Variants in ZMYND11 observed in about 807,000 individuals in gnomAD.
ZMYND11 encodes zinc finger MYND domain-containing protein 11.
ZMYND11 carries 9 observed loss-of-function variants against 84.9 expected under a neutral mutation model. That is an observed-to-expected ratio of 0.11 (90% confidence interval 0.06 to 0.18). ZMYND11 has a LOEUF of 0.18. Ranked by LOEUF, ZMYND11 falls within the 10% of genes least tolerant of loss-of-function variation. The probability of loss-of-function intolerance (pLI) is 1.00; values close to 1 mark genes in which losing one functional copy is unlikely to be tolerated. For synonymous variants in ZMYND11, 250 were observed against 244.1 expected (o/e 1.02, Z -0.23); for missense variants, 409 against 761.0 (o/e 0.54, Z 5.44).
chr10:249,478 G>A, intron 14 of ZMYND11: 1 of 984,774 alleles, frequency 1.0e-6, no homozygotes, highest in Non-Finnish European at 1.2e-6. Flanking sequence ...ACAATAAATA[G>A]TTTCAGATTT....
intron 10 of ZMYND11, among the ~76,000 whole-genome samples, chr10:242,927 G>C (rs958660732): frequency 2.6e-5 from 4 of 152,292 alleles, no homozygotes. Flanking sequence ...ACCTGACACT[G>C]TCATGTCAAG....
Position 252,209 on chromosome 10 carries a change from C to A in ZMYND11, c.1687-139C>A. On this transcript the variant is annotated intron_variant, in intron 14 of 14. Transcript: ENST00000381604. This position sits in a 1 kb window ranked among gnomAD's most constrained non-coding sequence, Gnocchi z 4.6. The stretch of plus-strand genomic sequence containing the variant: ...CAGGGCTCCCTTTCCATCTGCTGTG[C>A]ATAAAACGTATTCAGATTCCACAAA... 3 of 1,059,218 alleles carry A rather than the reference C, an allele frequency of 2.8e-6. No homozygotes were observed. The highest frequency in any genetic ancestry group is 1.6e-5 in the South Asian group (1 of 61,708). The allele number at this position is 1,059,218 out of a possible 1,614,324, so 65.6% of individuals were successfully genotyped here.
At chr10:224,983 A>G (rs1334368668) in intron 4 of ZMYND11, among the ~76,000 whole-genome samples, 1 of 152,216 alleles carries the variant, frequency 6.6e-6, no homozygotes, top group Admixed American at 6.5e-5. Context: ...ATTTTCCTGA[A>G]ATAGCCATGA....
At chr10:222,519 C>A (rs567849383) in intron 4 of ZMYND11, among the ~76,000 whole-genome samples, 5 of 152,136 alleles carry the variant, frequency 3.3e-5, no homozygotes, top group Non-Finnish European at 5.9e-5. Flanking sequence ...TCTTTGAGGT[C>A]TACAAGAATG....
chr10:138,754 A>G (rs952720837), intron 1 of ZMYND11, among the ~76,000 whole-genome samples: 93 of 74,632 alleles, frequency 1.2e-3, no homozygotes, highest in African/African-American at 3.6e-3. Flanking sequence ...TGTATCTTGG[A>G]AAAAAAAAAA....
chr10:226,995 A>G (rs1948254041), intron 4 of ZMYND11, among the ~76,000 whole-genome samples: 1 of 152,218 alleles, frequency 6.6e-6, no homozygotes, highest in African/African-American at 2.4e-5. Context: ...TTCTCTGTTT[A>G]AGGATCACAA....
In ZMYND11 at chr10:252,228, C is replaced by T. The variant is rs1483303524; in HGVS notation, c.1687-120C>T. On this transcript the variant is annotated intron_variant, in intron 14 of 14. Coordinates refer to ENST00000381604, the MANE Select transcript of ZMYND11 (RefSeq NM_001370100.5). The surrounding 1 kb of genome is among the most constrained non-coding windows in gnomAD (Gnocchi z 4.6). ...GCTGTGCATAAAACGTATTCAGATT[C>T]CACAAAAGGTTGAGCCAGAAAGATC... 8.0e-7 allele frequency: 1 copy of T among 1,256,858 alleles called. No homozygotes were observed. Among genetic ancestry groups the T allele is most frequent in the African/African-American group, 1.5e-5 (1 of 66,278 alleles). 77.9% of individuals were successfully genotyped at this position (1,256,858 alleles called of 1,614,324 possible). A position where few individuals can be genotyped will look rare whatever the true frequency, so the allele number is the denominator to read the frequency against.
intron 12 of ZMYND11, 90 bp from the exon 13 acceptor site, chr10:248,246 A>ATCAC: frequency 6.7e-7 from 1 of 1,491,414 alleles, no homozygotes; most frequent in South Asian, 1.3e-5. Context: ...TATTATGTAT[A>ATCAC]TCACTGAATT....
chr10:197,523 A>C (rs1942105560), intron 2 of ZMYND11, among the ~76,000 whole-genome samples: 1 of 152,268 alleles, frequency 6.6e-6, no homozygotes, highest in African/African-American at 2.4e-5. Flanking sequence ...TATAAAGTCC[A>C]ACAGCCTGCT....
At chr10:143,263 A>T (rs1288924266) in intron 1 of ZMYND11, among the ~76,000 whole-genome samples, 2 of 152,194 alleles carry the variant, frequency 1.3e-5, no homozygotes, top group Non-Finnish European at 2.9e-5. Context: ...TCATCCTGAC[A>T]CTCAGCAGTG....
At chr10:132,299 T>A (rs1228255670), upstream of ZMYND11, among the ~76,000 whole-genome samples, 1 of 148,638 alleles carries the variant, frequency 6.7e-6, no homozygotes. Context: ...TATATATATT[T>A]TATATATATA....
intron 7 of ZMYND11, 85 bp downstream of exon 7, chr10:239,610 C>T (rs1340279935): frequency 1.0e-6 from 1 of 959,930 alleles, no homozygotes; most frequent in African/African-American, 1.6e-5. Flanking sequence ...TAAAACATTA[C>T]TTTCAAAGAA....
intron 4 of ZMYND11, among the ~76,000 whole-genome samples, chr10:224,933 G>GCATGAAACTGAAGTTTA (rs1405879583): frequency 1.3e-5 from 2 of 151,998 alleles, no homozygotes; most frequent in Non-Finnish European, 2.9e-5. Context: ...ATTTATTTCT[G>GCATGAAACTGAAGTTTA]CATGAAACTG....
chr10:215,568 T>G lies in ZMYND11; in HGVS notation c.276+5520T>G, dbSNP rs564968877. ...GGGGCATCTTTGTTTTTTGTTTTTTTTTTTTTTGAGACAGGGTCTCCCTTT... is the reference window on the plus strand; with the variant it reads ...GGGGCATCTTTGTTTTTTGTTTTTTGTTTTTTTGAGACAGGGTCTCCCTTT... On this transcript the variant is annotated intron_variant, in intron 3 of 14. Coordinates refer to ENST00000381604, the MANE Select transcript of ZMYND11 (RefSeq NM_001370100.5). 2.0e-3 allele frequency among the ~76,000 whole-genome samples: 308 copies of G among 151,998 alleles called. 2 individuals carry two copies. The highest frequency in any genetic ancestry group is 6.8e-3 in the Middle Eastern group (2 of 294).
intron 3 of ZMYND11, among the ~76,000 whole-genome samples, chr10:220,079 C>G (rs191383413): frequency 6.6e-6 from 1 of 152,228 alleles, no homozygotes; most frequent in East Asian, 1.9e-4. Context: ...AAAGAAGTTG[C>G]TGCTTATGGA....
At chr10:178,740 A>G (rs538865296) in intron 1 of ZMYND11, among the ~76,000 whole-genome samples, 2 of 152,334 alleles carry the variant, frequency 1.3e-5, no homozygotes, top group East Asian at 3.9e-4. Flanking sequence ...ATATTCAGGA[A>G]TACCTTTAAA....
intron 2 of ZMYND11, among the ~76,000 whole-genome samples, chr10:199,787 T>C (rs1235652383): frequency 6.6e-6 from 1 of 152,122 alleles, no homozygotes; most frequent in Non-Finnish European, 1.5e-5. Flanking sequence ...TTCTATCAAG[T>C]GGATATACTT....
chr10:244,792 G>A (rs967762127), intron 10 of ZMYND11, among the ~76,000 whole-genome samples: 1 of 152,216 alleles, frequency 6.6e-6, no homozygotes, highest in African/African-American at 2.4e-5. Flanking sequence ...CATACCCCGT[G>A]ATAATCAGAT....
chr10:200,478 C>G (rs1942945907), intron 2 of ZMYND11, among the ~76,000 whole-genome samples: 1 of 150,668 alleles, frequency 6.6e-6, no homozygotes, highest in Admixed American at 6.6e-5. Flanking sequence ...CAGGGTCTTG[C>G]TGTATTGCCC....
Sources: gnomAD v4.1 joint callset for allele counts (sites outside exome capture counted in the v4.1 genomes callset) on GRCh38, gnomAD v4.1.1 for gene constraint, Gnocchi (gnomAD v3.1) non-coding constraint, MANE v1.5 for transcripts, NCBI Gene and HGNC (gene_info 2026-07-23, HGNC 2026-07-21) for gene names.